MAN1A2: variants seen among roughly 807,000 people sequenced by gnomAD.
MAN1A2 encodes mannosyl-oligosaccharide 1,2-alpha-mannosidase IB.
Under a neutral mutation model 75.7 loss-of-function variants are expected in MAN1A2, and 26 were observed. That is an observed-to-expected ratio of 0.34 (90% confidence interval 0.25 to 0.48). The LOEUF (loss-of-function observed/expected upper bound fraction) is 0.48. Among genes scored for constraint, MAN1A2 ranks in the 20% least tolerant of loss-of-function variants. The probability of loss-of-function intolerance (pLI) is 0.99; values close to 1 mark genes in which losing one functional copy is unlikely to be tolerated. For synonymous variants in MAN1A2, 247 were observed against 264.6 expected, an observed-to-expected ratio of 0.93 and a Z score of 0.65; for missense variants, 562 against 775.5, an observed-to-expected ratio of 0.72 and a Z score of 3.27.
At chr1:117,406,916 TG>T (rs1647635309) in intron 3 of MAN1A2, among the ~76,000 whole-genome samples, 1 of 152,038 alleles carries the variant, frequency 6.6e-6, no homozygotes, top group African/African-American at 2.4e-5. Flanking sequence ...AAATAAAAAT[TG>T]GATGTCAATT....
At chr1:117,430,040 C>CA (rs2101795621) in intron 5 of MAN1A2, among the ~76,000 whole-genome samples, 1 of 45,614 alleles carries the variant, frequency 2.2e-5, no homozygotes, top group Non-Finnish European at 4.6e-5. Context: ...GGCTGACCCC[C>CA]CCACCTCCCT....
rs1026755129 is a variant in MAN1A2 at position 117,368,442 on chromosome 1, C to G, written c.259C>G (p.Pro87Ala). ...AGATGCCGGTAAAGGGGCTAAAAAC[C>G]CCGGAGTCTTCCTGATCCATGGACC... ...HVDAGKGAKNPGVFLIHGPDE... is the reference protein window; with the variant it reads ...HVDAGKGAKNAGVFLIHGPDE... The change falls in exon 1 of 13, where the codon CCC becomes GCC. Residue 87 changes from proline to alanine, a missense_variant. By Grantham distance (27) the Pro-to-Ala change is conservative. This residue lies in a region of MAN1A2 where 128 missense variants were observed against 129.8 expected (regional missense o/e 0.99). Coordinates refer to ENST00000356554, the MANE Select transcript of MAN1A2 (RefSeq NM_006699.5). 3.1e-6 allele frequency: 5 copies of G among 1,613,706 alleles called. No homozygotes were observed. The African/African-American group carries it at 5.3e-5, about 17-fold the overall frequency.
chr1:117,461,325 C>T (rs926342965), intron 7 of MAN1A2, among the ~76,000 whole-genome samples: 1 of 152,088 alleles, frequency 6.6e-6, no homozygotes, highest in African/African-American at 2.4e-5. Flanking sequence ...TATGTGTTCT[C>T]ATTCATATGT....
Position 117,526,880 on chromosome 1 carries a change from C to CTCTCTCTCTCTCTCTCTATATATATA in MAN1A2, c.*3924_*3925insCTCTCTCTCTCTCTCTATATATATAT. 1.1e-4 allele frequency: 6 copies of CTCTCTCTCTCTCTCTCTATATATATA among 54,514 alleles called. No individual in the cohort carries two copies. Among genetic ancestry groups the CTCTCTCTCTCTCTCTCTATATATATA allele is most frequent in the African/African-American group, 4.1e-4 (5 of 12,280 alleles). The allele number at this position is 54,514 out of a possible 1,614,324, so 3.4% of individuals were successfully genotyped here. The stretch of plus-strand genomic sequence containing the variant: ...TCTCTCTCTCTCTCTCTCTCTCTCT[C>CTCTCTCTCTCTCTCTCTATATATATA]TATATATATATATATATATATATAT... On this transcript the variant is annotated 3_prime_UTR_variant, in exon 13 of 13. Transcript: ENST00000356554.
intron 6 of MAN1A2, among the ~76,000 whole-genome samples, chr1:117,445,868 G>GTATATATA (rs1256464203): frequency 4.0e-4 from 38 of 94,176 alleles, no homozygotes; most frequent in East Asian, 2.7e-3. Flanking sequence ...GTATGTGTGT[G>GTATATATA]TGTGTCTGTG....
intron 1 of MAN1A2, among the ~76,000 whole-genome samples, chr1:117,375,915 G>GTTTTT (rs33969366): frequency 7.1e-6 from 1 of 140,962 alleles, no homozygotes; most frequent in Non-Finnish European, 1.5e-5. Context: ...ATTAATTTAT[G>GTTTTT]TTTTTTTTTT....
At chr1:117,397,589 A>G (rs1241064652) in intron 1 of MAN1A2, among the ~76,000 whole-genome samples, 1 of 147,610 alleles carries the variant, frequency 6.8e-6, no homozygotes, top group African/African-American at 2.5e-5. Context: ...GGATTTTAAT[A>G]TTTAATATGC....
At chr1:117,480,987 T>C (rs1206933377) in intron 8 of MAN1A2, among the ~76,000 whole-genome samples, 2 of 151,860 alleles carry the variant, frequency 1.3e-5, no homozygotes, top group Non-Finnish European at 2.9e-5. Context: ...TAAGTCAAGA[T>C]GAAAGAAAAG....
intron 12 of MAN1A2, among the ~76,000 whole-genome samples, chr1:117,509,536 A>G (rs1314168766): frequency 6.6e-6 from 1 of 151,940 alleles, no homozygotes; most frequent in Non-Finnish European, 1.5e-5. Context: ...AGTGTGTATT[A>G]TCAGTACTTC....
intron 4 of MAN1A2, 135 bp from the exon 5 acceptor site, chr1:117,420,434 A>G (rs538532392): frequency 3.1e-5 from 20 of 650,234 alleles, no homozygotes; most frequent in South Asian, 2.7e-4. Context: ...TTGCAGTTGC[A>G]TGAGAAATGA....
intron 8 of MAN1A2, among the ~76,000 whole-genome samples, chr1:117,490,206 G>A (rs1405063351): frequency 6.6e-6 from 1 of 152,018 alleles, no homozygotes; most frequent in Non-Finnish European, 1.5e-5. Flanking sequence ...GTGTGTGTGT[G>A]TGTGTTTGCA....
intron 11 of MAN1A2, 45 bp from the exon 12 acceptor site, chr1:117,502,810 T>C (rs1651241442): frequency 9.7e-7 from 1 of 1,032,260 alleles, no homozygotes; most frequent in African/African-American, 1.6e-5. Context: ...CCTTCAAAAC[T>C]TGAAATTCTA....
At chr1:117,432,872 T>C (rs1648716776) in intron 5 of MAN1A2, among the ~76,000 whole-genome samples, 1 of 148,870 alleles carries the variant, frequency 6.7e-6, no homozygotes, top group Admixed American at 6.7e-5. Flanking sequence ...TAGCTAGCAA[T>C]AATATAAAAG....
intron 12 of MAN1A2, among the ~76,000 whole-genome samples, chr1:117,508,739 T>C (rs1651444207): frequency 6.6e-6 from 1 of 151,664 alleles, no homozygotes; most frequent in Non-Finnish European, 1.5e-5. Flanking sequence ...TTTCACAGTA[T>C]AATATTAAGT....
intron 8 of MAN1A2, among the ~76,000 whole-genome samples, chr1:117,469,634 A>G (rs1375667949): frequency 6.6e-6 from 1 of 152,168 alleles, no homozygotes; most frequent in Non-Finnish European, 1.5e-5. Flanking sequence ...ACTACCTACA[A>G]CTCAACAACA....
chr1:117,519,512 C>G (rs1031050360), intron 12 of MAN1A2, among the ~76,000 whole-genome samples: 1 of 151,984 alleles, frequency 6.6e-6, no homozygotes, highest in African/African-American at 2.4e-5. Flanking sequence ...GCTGACACCA[C>G]TGAAATACAA....
intron 4 of MAN1A2, among the ~76,000 whole-genome samples, chr1:117,416,562 C>T (rs1647999357): frequency 2.0e-5 from 3 of 152,178 alleles, no homozygotes; most frequent in Non-Finnish European, 2.9e-5. Flanking sequence ...AGGGTTCAAT[C>T]AGGAACCAGA....
chr1:117,392,391 T>C (rs1653752022), intron 1 of MAN1A2, among the ~76,000 whole-genome samples: 1 of 152,198 alleles, frequency 6.6e-6, no homozygotes, highest in Non-Finnish European at 1.5e-5. Context: ...TGTTTCCCTA[T>C]GTAAATCTGC....
At chr1:117,386,580 C>T (rs907397051) in intron 1 of MAN1A2, among the ~76,000 whole-genome samples, 6 of 152,160 alleles carry the variant, frequency 3.9e-5, no homozygotes, top group South Asian at 4.1e-4. Flanking sequence ...GCTTCCTTTG[C>T]TTCACTGTCT....
Sources: gnomAD v4.1 joint callset for allele counts (sites outside exome capture counted in the v4.1 genomes callset) on GRCh38, gnomAD v4.1.1 for gene constraint, gnomAD v4.1.1 regional missense constraint, MANE v1.5 for transcripts, NCBI Gene and HGNC (gene_info 2026-07-23, HGNC 2026-07-21) for gene names.